KCNK2: variants seen among roughly 807,000 people sequenced by gnomAD.
The protein encoded by KCNK2 is potassium two pore domain channel subfamily K member 2.
A neutral mutation model predicts 40.5 loss-of-function variants in KCNK2; 21 were observed. The observed-to-expected ratio is 0.52, with a 90% CI of 0.37 to 0.75. The LOEUF (loss-of-function observed/expected upper bound fraction) is 0.75, where lower values mean the gene tolerates loss of function less well. KCNK2 is among the 30% of genes least tolerant of loss of function. KCNK2 has a pLI of 0.00. For missense variants in KCNK2, 399 were observed against 531.6 expected (o/e 0.75, Z 2.45); for synonymous variants, 191 against 202.2 (o/e 0.94, Z 0.47).
chr1:215,142,781 G>A (rs1662240169), intron 3 of KCNK2, among the ~76,000 whole-genome samples: 1 of 152,024 alleles, frequency 6.6e-6, no homozygotes, highest in South Asian at 2.1e-4. Flanking sequence ...AATTGTTATG[G>A]AAATGAAGAA....
intron 3 of KCNK2, among the ~76,000 whole-genome samples, chr1:215,150,093 T>A (rs1187030475): frequency 6.6e-6 from 1 of 152,166 alleles, no homozygotes; most frequent in Non-Finnish European, 1.5e-5. Flanking sequence ...AAGGGAACCC[T>A]GCATGCAGGA....
At chr1:215,165,795 G>A (rs1371463882) in intron 3 of KCNK2, among the ~76,000 whole-genome samples, 2 of 151,738 alleles carry the variant, frequency 1.3e-5, no homozygotes, top group African/African-American at 4.8e-5. Context: ...CTTTCAATCA[G>A]TTAATTTTAG....
intron 6 of KCNK2, among the ~76,000 whole-genome samples, chr1:215,201,199 C>T (rs931222629): frequency 3.9e-5 from 6 of 151,920 alleles, no homozygotes; most frequent in Admixed American, 2.6e-4. Flanking sequence ...GCAAAGGCAT[C>T]GAGGTTTTGA....
chr1:215,031,526 T>C (rs1333366502), intron 1 of KCNK2, among the ~76,000 whole-genome samples: 1 of 152,146 alleles, frequency 6.6e-6, no homozygotes, highest in Non-Finnish European at 1.5e-5. Flanking sequence ...AAATCCAAAA[T>C]GTTCTAAAAT....
At position 215,213,782 on chromosome 1, in the gene KCNK2, C is replaced by G. The variant is rs73080092; in HGVS notation, c.963+18690C>G. ...TGTAAATTTGAAATTGCTTGTGGAT[C>G]GCCCCACCTTGCCAAATCAACCCAA... On this transcript the variant is annotated intron_variant, in intron 6 of 6. Transcript: ENST00000444842. 4.1e-3 allele frequency among the ~76,000 whole-genome samples: 627 copies of G among 152,198 alleles called. 3 individuals carry two copies. The highest frequency in any genetic ancestry group is 0.015 in the African/African-American group (613 of 41,522).
intron 1 of KCNK2, among the ~76,000 whole-genome samples, chr1:215,034,407 G>A (rs552759406): frequency 1.3e-5 from 2 of 150,670 alleles, no homozygotes; most frequent in South Asian, 2.1e-4. Flanking sequence ...GTTTTTTTGC[G>A]ACCTTATTTA....
intron 1 of KCNK2, among the ~76,000 whole-genome samples, chr1:215,037,440 G>T (rs1657427302): frequency 6.6e-6 from 1 of 151,836 alleles, no homozygotes; most frequent in African/African-American, 2.4e-5. Flanking sequence ...TTAATATTTT[G>T]TTCAGGATTT....
chr1:215,174,763 A>G (rs1224984350), intron 5 of KCNK2, among the ~76,000 whole-genome samples: 1 of 149,808 alleles, frequency 6.7e-6, no homozygotes, highest in Non-Finnish European at 1.5e-5. Context: ...CATGATTTGG[A>G]TGTTTGTCTG....
intron 3 of KCNK2, among the ~76,000 whole-genome samples, chr1:215,134,110 G>GAA (rs112080577): frequency 2.3e-4 from 35 of 150,514 alleles, no homozygotes; most frequent in African/African-American, 4.4e-4. Flanking sequence ...GGGTGTAAAA[G>GAA]AAAAAAAAAA....
intron 1 of KCNK2, among the ~76,000 whole-genome samples, chr1:215,044,164 GT>G (rs975365613): frequency 6.6e-6 from 1 of 151,996 alleles, no homozygotes; most frequent in South Asian, 2.1e-4. Context: ...ACTTTAATGT[GT>G]TTTTTTTCCA....
At position 215,172,126 on chromosome 1, in the gene KCNK2, G is replaced by A. The variant is rs772497750; in HGVS notation, c.766G>A (p.Ala256Thr). The change falls in exon 5 of 7, where the codon GCC becomes ACC. Residue 256 changes from alanine (A) to threonine (T), a missense_variant. Ala to Thr is a moderately conservative substitution (Grantham distance 58, BLOSUM62 0). This residue lies in a region of KCNK2 where 279 missense variants were observed against 353.8 expected (regional missense o/e 0.79). Coordinates refer to ENST00000444842, the MANE Select transcript of KCNK2 (RefSeq NM_001017425.3). Reference protein sequence around the residue: ...KHIEGWSALDAIYFVVITLTT... With the variant: ...KHIEGWSALDTIYFVVITLTT... ...CATAGAAGGCTGGAGTGCCCTGGACGCCATTTATTTTGTGGTTATCACTCT... is the reference window on the plus strand; with the variant it reads ...CATAGAAGGCTGGAGTGCCCTGGACACCATTTATTTTGTGGTTATCACTCT... The A allele has an allele frequency of 2.8e-5, 45 of 1,613,136 alleles. No individual in the cohort carries two copies. Among genetic ancestry groups the A allele is most frequent in the South Asian group, 4.4e-5 (4 of 91,012 alleles).
At chr1:215,050,583 A>T (rs1657952442) in intron 1 of KCNK2, among the ~76,000 whole-genome samples, 1 of 152,200 alleles carries the variant, frequency 6.6e-6, no homozygotes, top group Admixed American at 6.5e-5. Flanking sequence ...CAATAAAAAA[A>T]GTTTGATGTA....
At chr1:215,061,796 A>C (rs1157716024) in intron 1 of KCNK2, among the ~76,000 whole-genome samples, 1 of 152,092 alleles carries the variant, frequency 6.6e-6, no homozygotes, top group Non-Finnish European at 1.5e-5. Context: ...TGTCCTTGTT[A>C]CTAGTTAGTT....
At chr1:215,099,150 A>T (rs1043386911) in intron 2 of KCNK2, among the ~76,000 whole-genome samples, 2 of 151,746 alleles carry the variant, frequency 1.3e-5, no homozygotes, top group African/African-American at 4.8e-5. Flanking sequence ...ATCTTTCCTG[A>T]TTCTATCCCT....
At chr1:215,005,773 G>A (rs1006737529), upstream of KCNK2, 1 of 680,538 alleles carries the variant, frequency 1.5e-6, no homozygotes, top group African/African-American at 1.8e-5. Context: ...GATCTACAGG[G>A]TAACATTCAC....
At chr1:215,156,501 G>T (rs1662933632) in intron 3 of KCNK2, among the ~76,000 whole-genome samples, 1 of 152,172 alleles carries the variant, frequency 6.6e-6, no homozygotes, top group Admixed American at 6.5e-5. Flanking sequence ...TCTGTAATGT[G>T]TTGGTAAATG....
At chr1:215,070,037 A>G (rs1323131871) in intron 1 of KCNK2, among the ~76,000 whole-genome samples, 1 of 152,196 alleles carries the variant, frequency 6.6e-6, no homozygotes, top group African/African-American at 2.4e-5. Context: ...GAAATCAAAG[A>G]ATAATTCAGA....
chr1:215,216,337 A>G (rs1445820617), intron 6 of KCNK2, among the ~76,000 whole-genome samples: 4 of 149,080 alleles, frequency 2.7e-5, no homozygotes, highest in African/African-American at 9.8e-5. Flanking sequence ...AACCACTAAT[A>G]TAGAATATAT....
At chr1:215,183,067 T>C (rs985003900) in intron 5 of KCNK2, among the ~76,000 whole-genome samples, 1 of 152,168 alleles carries the variant, frequency 6.6e-6, no homozygotes, top group Non-Finnish European at 1.5e-5. Context: ...GTTTCCTACA[T>C]GATTCCAGTG....
Sources: gnomAD v4.1 joint callset for allele counts (sites outside exome capture counted in the v4.1 genomes callset) on GRCh38, gnomAD v4.1.1 for gene constraint, gnomAD v4.1.1 regional missense constraint, MANE v1.5 for transcripts, NCBI Gene and HGNC (gene_info 2026-07-23, HGNC 2026-07-21) for gene names.